Variants in HM13 observed in about 807,000 individuals in gnomAD.
The protein encoded by HM13 is histocompatibility minor 13, also known as signal peptide peptidase.
A neutral mutation model predicts 50.0 loss-of-function variants in HM13; 18 were observed. The ratio of observed to expected loss-of-function variants is 0.36; its 90% CI spans 0.25 to 0.53. The LOEUF (loss-of-function observed/expected upper bound fraction) is 0.53. HM13 is among the 20% of genes least tolerant of loss of function. The probability of loss-of-function intolerance (pLI) is 0.90; values close to 1 mark genes in which losing one functional copy is unlikely to be tolerated. For synonymous variants in HM13, 197 were observed against 232.6 expected (o/e 0.85, Z 1.39); for missense variants, 393 against 552.4 (o/e 0.71, Z 2.89).
chr20:31,566,048 TGGGAGTTA>T (rs958553920), intron 10 of HM13, 154 bp from the exon 11 acceptor site: 44 of 514,056 alleles, frequency 8.6e-5, no homozygotes, highest in Admixed American at 7.1e-5. Flanking sequence ...AACCCTTGTC[TGGGAGTTA>T]GGAGCCCTGG....
intron 1 of HM13, among the ~76,000 whole-genome samples, chr20:31,522,010 T>G (rs1982194087): frequency 6.6e-6 from 1 of 151,898 alleles, no homozygotes; most frequent in Non-Finnish European, 1.5e-5. Context: ...CAGCATGGGA[T>G]ATTTATAAGT....
At chr20:31,564,290 G>A (rs1246883296) in intron 10 of HM13, among the ~76,000 whole-genome samples, 2 of 151,668 alleles carry the variant, frequency 1.3e-5, no homozygotes, top group Non-Finnish European at 2.9e-5. Context: ...ACAAATTGCT[G>A]GGGAGGCCAG....
intron 1 of HM13, among the ~76,000 whole-genome samples, chr20:31,524,422 T>A (rs1982361008): frequency 6.6e-6 from 1 of 152,170 alleles, no homozygotes; most frequent in African/African-American, 2.4e-5. Flanking sequence ...TAGGGAGAAT[T>A]CCCACAGATG....
At chr20:31,564,731 C>T (rs1191707621) in intron 10 of HM13, among the ~76,000 whole-genome samples, 3 of 151,842 alleles carry the variant, frequency 2.0e-5, no homozygotes, top group African/African-American at 7.3e-5. Context: ...CAAATATTAG[C>T]CGGGCATGGT....
chr20:31,527,027 T>C (rs550890244), intron 1 of HM13, among the ~76,000 whole-genome samples: 1 of 152,222 alleles, frequency 6.6e-6, no homozygotes, highest in South Asian at 2.1e-4. Context: ...TTGATCAGGG[T>C]CCAGATCTCC....
At chr20:31,545,731 G>GT (rs1030520511) in intron 4 of HM13, among the ~76,000 whole-genome samples, 19 of 152,146 alleles carry the variant, frequency 1.2e-4, no homozygotes, top group African/African-American at 4.1e-4. Context: ...GTATTTCTTT[G>GT]TTTTTTGTTT....
chr20:31,553,672 A>C (rs2041059693), intron 7 of HM13, among the ~76,000 whole-genome samples: 1 of 152,092 alleles, frequency 6.6e-6, no homozygotes, highest in South Asian at 2.1e-4. Flanking sequence ...GATGAAATCC[A>C]GTTATAACCT....
chr20:31,530,107 T>C (rs1982721756), intron 2 of HM13, among the ~76,000 whole-genome samples: 3 of 152,226 alleles, frequency 2.0e-5, no homozygotes, highest in Admixed American at 2.0e-4. Flanking sequence ...GTGGGCAACA[T>C]AGTGAGACCC....
Position 31,550,134 on chromosome 20 carries a change from C to T in HM13, c.724+13C>T. The T allele has an allele frequency of 6.2e-7, 1 of 1,611,538 alleles. No homozygotes were observed. The highest frequency in any genetic ancestry group is 1.1e-5 in the South Asian group (1 of 91,036). On this transcript the variant is annotated intron_variant, in intron 7 of 12. Transcript: ENST00000398174. Reference sequence around the variant, plus strand: ...GCACCAATAAAATGTAAGTGACCACCCTGCCACAGGGAACCCCTTCCCCCA... The same window carrying T: ...GCACCAATAAAATGTAAGTGACCACTCTGCCACAGGGAACCCCTTCCCCCA...
chr20:31,546,466 T>C (rs994507125), intron 4 of HM13, among the ~76,000 whole-genome samples: 10 of 151,850 alleles, frequency 6.6e-5, no homozygotes, highest in Admixed American at 2.6e-4. Flanking sequence ...TTTTAAAGAC[T>C]GAGCTTGGGC....
chr20:31,566,712 A>G (rs1433523395), intron 11 of HM13, among the ~76,000 whole-genome samples: 1 of 152,006 alleles, frequency 6.6e-6, no homozygotes, highest in Non-Finnish European at 1.5e-5. Flanking sequence ...TGTGGTAGAA[A>G]GTGCCCCGAG....
intron 1 of HM13, among the ~76,000 whole-genome samples, chr20:31,515,620 C>T (rs1019186209): frequency 5.9e-5 from 9 of 152,154 alleles, no homozygotes; most frequent in African/African-American, 2.2e-4. Flanking sequence ...CTGTTGGCCC[C>T]TCTTGTGAGA....
chr20:31,568,389 G>C, intron 12 of HM13, 165 bp downstream of exon 12: 2 of 1,033,428 alleles, frequency 1.9e-6, no homozygotes, highest in Non-Finnish European at 2.7e-6. Context: ...CCGAGCCATA[G>C]GGCTGGGAAG....
At chr20:31,522,544 TAAAAAAAAACA>T (rs996311556) in intron 1 of HM13, among the ~76,000 whole-genome samples, 2 of 141,668 alleles carry the variant, frequency 1.4e-5, no homozygotes, top group African/African-American at 5.2e-5. Flanking sequence ...AAAACTCCAC[TAAAAAAAAACA>T]AAAAAAAAAA....
At chr20:31,534,633 A>G (rs1983006906) in intron 2 of HM13, among the ~76,000 whole-genome samples, 1 of 152,080 alleles carries the variant, frequency 6.6e-6, no homozygotes, top group Admixed American at 6.6e-5. Context: ...AAATACAAAA[A>G]TTAGCCAGGC....
intron 10 of HM13, chr20:31,563,304 G>A (rs960106695): frequency 3.3e-4 from 50 of 152,346 alleles, no homozygotes; most frequent in African/African-American, 1.2e-3. Flanking sequence ...TGTCCCATGG[G>A]GTCCCCTGCT....
chr20:31,534,016 A>G (rs891189451), intron 2 of HM13, among the ~76,000 whole-genome samples: 3 of 152,114 alleles, frequency 2.0e-5, no homozygotes, highest in Non-Finnish European at 4.4e-5. Context: ...GGTAGCTGGG[A>G]CTACAGGCAT....
At chr20:31,535,643 G>T (rs1262309939) in intron 2 of HM13, 1 of 152,200 alleles carries the variant, frequency 6.6e-6, no homozygotes, top group African/African-American at 2.4e-5. Flanking sequence ...CTGCTCATAG[G>T]TCTTTTTCTT....
Position 31,554,731 on chromosome 20 carries a change from C to T in HM13, c.725-15C>T, listed in dbSNP as rs765720571. The T allele has an allele frequency of 6.2e-6, 10 of 1,612,338 alleles. No individual in the cohort carries two copies. Among genetic ancestry groups the T allele is most frequent in the East Asian group, 2.2e-5 (1 of 44,884 alleles). On this transcript the variant is annotated splice_polypyrimidine_tract_variant and intron_variant, in intron 7 of 12. Transcript: ENST00000398174. Reference sequence around the variant, plus strand: ...GGCTCCAGCTGACTCCTCACATTCCCGCCTCCCGCTTCAGTGGTGTTTCCC... The same window carrying T: ...GGCTCCAGCTGACTCCTCACATTCCTGCCTCCCGCTTCAGTGGTGTTTCCC...
Sources: allele counts gnomAD v4.1 joint callset (sites outside exome capture counted in the v4.1 genomes callset), GRCh38; gene constraint gnomAD v4.1.1; transcripts MANE v1.5; gene names NCBI Gene and HGNC (gene_info 2026-07-23, HGNC 2026-07-21).